Variants in GMDS observed in about 807,000 individuals in gnomAD.
The protein encoded by GMDS is GDP-mannose 4,6-dehydratase.
GMDS carries 20 observed loss-of-function variants against 49.9 expected under a neutral mutation model. The observed-to-expected ratio is 0.40, with a 90% CI of 0.28 to 0.58. The LOEUF (loss-of-function observed/expected upper bound fraction) is 0.58, where lower values mean the gene tolerates loss of function less well. Among genes scored for constraint, GMDS ranks in the 20% least tolerant of loss-of-function variants. GMDS has a pLI of 0.42. For synonymous variants in GMDS, 177 were observed against 178.6 expected (o/e 0.99, Z 0.07); for missense variants, 362 against 481.4 (o/e 0.75, Z 2.32).
At chr6:2,066,335 G>A (rs1207076401) in intron 4 of GMDS, among the ~76,000 whole-genome samples, 1 of 138,916 alleles carries the variant, frequency 7.2e-6, no homozygotes, top group African/African-American at 2.8e-5. Context: ...AAAGACCATT[G>A]AGACTAGGAA....
intron 1 of GMDS, among the ~76,000 whole-genome samples, chr6:2,158,325 G>C (rs1231585765): frequency 2.0e-5 from 3 of 152,174 alleles, no homozygotes; most frequent in Admixed American, 2.0e-4. Context: ...TGACATTCAT[G>C]TAACTGCTCT....
intron 1 of GMDS, among the ~76,000 whole-genome samples, chr6:2,239,901 T>C (rs1416616064): frequency 1.3e-5 from 2 of 152,160 alleles, no homozygotes; most frequent in Non-Finnish European, 1.5e-5. Context: ...TTAGCCAGGA[T>C]GGTATCGATC....
At chr6:2,131,127 T>C (rs1024283669) in intron 1 of GMDS, among the ~76,000 whole-genome samples, 1 of 152,200 alleles carries the variant, frequency 6.6e-6, no homozygotes, top group African/African-American at 2.4e-5. Flanking sequence ...CAAATGATTA[T>C]TGTAAACCCT....
chr6:1,942,116 A>G (rs1433894313), intron 6 of GMDS, among the ~76,000 whole-genome samples: 1 of 152,060 alleles, frequency 6.6e-6, no homozygotes, highest in Non-Finnish European at 1.5e-5. Flanking sequence ...AGGAGACATT[A>G]CCATTAACTC....
chr6:1,952,424 G>A (rs1004733498), intron 6 of GMDS, among the ~76,000 whole-genome samples: 2 of 152,032 alleles, frequency 1.3e-5, no homozygotes, highest in Admixed American at 1.3e-4. Flanking sequence ...AACGCAACAC[G>A]AAGAGCTAAT....
chr6:1,719,033 C>T (rs1333444422), intron 9 of GMDS, among the ~76,000 whole-genome samples: 1 of 152,108 alleles, frequency 6.6e-6, no homozygotes, highest in Non-Finnish European at 1.5e-5. Context: ...TTGATGACAG[C>T]ATTACAAAAT....
At chr6:1,996,997 A>G (rs1426284936) in intron 4 of GMDS, among the ~76,000 whole-genome samples, 1 of 151,496 alleles carries the variant, frequency 6.6e-6, no homozygotes, top group Non-Finnish European at 1.5e-5. Flanking sequence ...TCTGATGCCC[A>G]CCTCACTTAG....
At chr6:1,764,122 A>C (rs1157147025) in intron 7 of GMDS, among the ~76,000 whole-genome samples, 1 of 152,124 alleles carries the variant, frequency 6.6e-6, no homozygotes, top group Non-Finnish European at 1.5e-5. Flanking sequence ...GTTTGAAATG[A>C]TTTTGTTCCC....
chr6:1,972,138 C>A (rs1457877603), intron 4 of GMDS, among the ~76,000 whole-genome samples: 1 of 152,046 alleles, frequency 6.6e-6, no homozygotes, highest in Non-Finnish European at 1.5e-5. Context: ...ACCTCTGGTG[C>A]CATTCCTGAA....
chr6:2,205,494 T>C lies in GMDS; in HGVS notation c.102+39827A>G, dbSNP rs138385787. Among the ~76,000 whole-genome samples the C allele has an allele frequency of 7.6e-3, 1,156 of 152,346 alleles. 23 individuals carry two copies. The highest frequency in any genetic ancestry group is 0.026 in the African/African-American group (1,096 of 41,564). On this transcript the variant is annotated intron_variant, in intron 1 of 10. Coordinates refer to ENST00000380815, the MANE Select transcript of GMDS (RefSeq NM_001500.4). ...CAGCGTGGCCCTCTGGAGTAGCTTC[T>C]ATAAAGCTGCCAGAATGAGGATTAC...
In GMDS at chr6:1,766,146, C is replaced by T. The variant is rs560914386; in HGVS notation, c.772-23560G>A. Among the ~76,000 whole-genome samples, 1 of 152,256 alleles carries T rather than the reference C, an allele frequency of 6.6e-6. No homozygotes were observed. The highest frequency in any genetic ancestry group is 6.5e-5 in the Admixed American group (1 of 15,298). On this transcript the variant is annotated intron_variant, in intron 7 of 10. Coordinates refer to ENST00000380815, the MANE Select transcript of GMDS (RefSeq NM_001500.4). The surrounding 1 kb of genome is among the most constrained non-coding windows in gnomAD (Gnocchi z 4.5). ...GATGATTCATGGATTCGCTGCCCGT[C>T]TGTTTAAATGTAATACTCTTTCAGT... is the stretch of plus-strand genomic sequence containing the variant.
chr6:1,786,331 G>A (rs906576858), intron 7 of GMDS, among the ~76,000 whole-genome samples: 6 of 152,214 alleles, frequency 3.9e-5, no homozygotes, highest in African/African-American at 1.4e-4. Flanking sequence ...CTAGAGCCTC[G>A]GCTGAGGGAA....
rs557193637 is a variant in GMDS, at chr6:1,668,595, A to G, written c.988-44055T>C. On this transcript the variant is annotated intron_variant, in intron 9 of 10. Transcript: ENST00000380815. ...TGTGGTGGTGCACGCCTGTAATCCC[A>G]GCTACTTGGGAGGCTGAGGCAGAAC... 1.1e-4 allele frequency among the ~76,000 whole-genome samples: 17 copies of G among 152,272 alleles called. No individual in the cohort carries two copies. In the East Asian group the frequency reaches 2.5e-3, roughly 23 times the overall value.
At chr6:1,930,328 C>G in intron 6 of GMDS, 98 bp from the exon 7 acceptor site, 1 of 848,356 alleles carries the variant, frequency 1.2e-6, no homozygotes, top group Non-Finnish European at 1.9e-6. Flanking sequence ...GCATTTCTTT[C>G]ATTCTACACT....
chr6:1,630,843 G>C (rs931055833), intron 9 of GMDS, among the ~76,000 whole-genome samples: 1 of 152,024 alleles, frequency 6.6e-6, no homozygotes, highest in Non-Finnish European at 1.5e-5. Context: ...TCTTGGTTCC[G>C]GTTAGTTCAC....
chr6:2,147,636 C>A (rs1776628539), intron 1 of GMDS, among the ~76,000 whole-genome samples: 1 of 151,388 alleles, frequency 6.6e-6, no homozygotes, highest in South Asian at 2.1e-4. Context: ...ATCAATTTAT[C>A]CCTCCCCTCT....
chr6:2,059,707 C>CAAAAAAAAAAAAAAA lies in GMDS; in HGVS notation c.345+56049_345+56063dup, dbSNP rs35230658. Among the ~76,000 whole-genome samples the CAAAAAAAAAAAAAAA allele has an allele frequency of 3.3e-3, 58 of 17,762 alleles. 4 individuals carry two copies. Among genetic ancestry groups the CAAAAAAAAAAAAAAA allele is most frequent in the African/African-American group, 4.9e-3 (26 of 5,328 alleles). 11.7% of individuals were successfully genotyped at this position (17,762 alleles called of 152,430 possible). A position where few individuals can be genotyped will look rare whatever the true frequency, so the allele number is the denominator to read the frequency against. On this transcript the variant is annotated intron_variant, in intron 4 of 10. Coordinates refer to ENST00000380815, the MANE Select transcript of GMDS (RefSeq NM_001500.4). ...TGGGCGACAGAGCGAGACTCCGTCT[C>CAAAAAAAAAAAAAAA]AAAAAAAAAAAAAAAAAAAATGCAC...
At chr6:2,119,165 T>C (rs188693947) in intron 2 of GMDS, among the ~76,000 whole-genome samples, 159 of 152,314 alleles carry the variant, frequency 1.0e-3, no homozygotes, top group Non-Finnish European at 2.0e-3. Flanking sequence ...CTTCTCTAGA[T>C]TGCTGGATTC....
intron 7 of GMDS, among the ~76,000 whole-genome samples, chr6:1,799,596 A>C (rs1769868073): frequency 6.6e-6 from 1 of 152,202 alleles, no homozygotes. Flanking sequence ...ATTCTAGAAT[A>C]ACAGAAGTCA....
Sources: allele counts gnomAD v4.1 joint callset (sites outside exome capture counted in the v4.1 genomes callset), GRCh38; gene constraint gnomAD v4.1.1; non-coding constraint Gnocchi (gnomAD v3.1); transcripts MANE v1.5; gene names NCBI Gene and HGNC (gene_info 2026-07-23, HGNC 2026-07-21).